SP4: variants seen among roughly 807,000 people sequenced by gnomAD.
SP4 encodes the protein transcription factor Sp4.
SP4 carries 19 observed loss-of-function variants against 72.8 expected under a neutral mutation model. That is an observed-to-expected ratio of 0.26 (90% confidence interval 0.18 to 0.38). SP4 has a LOEUF of 0.38. Among genes scored for constraint, SP4 ranks in the 10% least tolerant of loss-of-function variants. SP4 has a pLI of 1.00. For missense variants in SP4, 1,008 were observed against 926.3 expected (o/e 1.09, Z -1.14); for synonymous variants, 395 against 333.1 (o/e 1.19, Z -2.02).
At chr7:21,491,307 A>G (rs1417979177) in intron 5 of SP4, among the ~76,000 whole-genome samples, 3 of 152,196 alleles carry the variant, frequency 2.0e-5, no homozygotes, top group Non-Finnish European at 2.9e-5. Context: ...CTAAGTGGAG[A>G]TAATAGAGGA....
At chr7:21,443,243 G>A (rs1783316925) in intron 3 of SP4, among the ~76,000 whole-genome samples, 1 of 152,148 alleles carries the variant, frequency 6.6e-6, no homozygotes, top group African/African-American at 2.4e-5. Context: ...GGACACAGGT[G>A]GAGAACTTTG....
intron 3 of SP4, among the ~76,000 whole-genome samples, chr7:21,453,214 C>G (rs957093994): frequency 6.6e-6 from 1 of 152,218 alleles, no homozygotes; most frequent in Non-Finnish European, 1.5e-5. Context: ...CAGTTAACTC[C>G]TGTTCTGCTT....
In SP4 at chr7:21,428,762, C is replaced by A; in HGVS notation, c.93C>A (p.Asn31Lys). 1 of 1,551,524 alleles carries A rather than the reference C, an allele frequency of 6.4e-7. No individual in the cohort carries two copies. Among genetic ancestry groups the A allele is most frequent in the Non-Finnish European group, 8.7e-7 (1 of 1,147,182 alleles). Residue 31 changes from asparagine to lysine, a missense_variant, in exon 2 of 6, where the codon AAC becomes AAA. This residue lies in a region of SP4 where 893 missense variants were observed against 743.3 expected (regional missense o/e 1.20). Coordinates refer to ENST00000222584, the MANE Select transcript of SP4 (RefSeq NM_003112.5). The stretch of plus-strand genomic sequence containing the variant: ...GGAAAACCTCTGAGCCAGAGAATAA[C>A]AATAAAAAACCCAAAACCTCAGGCT... ...EGGKTSEPENNNKKPKTSGSQ... is the reference protein window; with the variant it reads ...EGGKTSEPENKNKKPKTSGSQ...
At chr7:21,428,313 TCCCC>T in intron 1 of SP4, 55 bp downstream of exon 1, 2 of 907,150 alleles carry the variant, frequency 2.2e-6, no homozygotes, top group Non-Finnish European at 3.5e-6. Flanking sequence ...TCTCCCTCCC[TCCCC>T]AGACCCTGCT....
At chr7:21,453,191 A>G (rs564882030) in intron 3 of SP4, among the ~76,000 whole-genome samples, 6 of 152,234 alleles carry the variant, frequency 3.9e-5, no homozygotes, top group Non-Finnish European at 8.8e-5. Context: ...GTCTTCTATT[A>G]GTTCAGTCCA....
chr7:21,439,752 G>A (rs553842931), intron 3 of SP4, among the ~76,000 whole-genome samples: 1 of 152,234 alleles, frequency 6.6e-6, no homozygotes, highest in South Asian at 2.1e-4. Flanking sequence ...TAAAAAATCA[G>A]CTGGATGTGG....
chr7:21,501,344 C>A (rs1186615496), intron 5 of SP4, among the ~76,000 whole-genome samples: 1 of 152,034 alleles, frequency 6.6e-6, no homozygotes, highest in Non-Finnish European at 1.5e-5. Flanking sequence ...CTCACAAAGT[C>A]CCTCCTCTTT....
At chr7:21,501,153 A>C (rs1004832668) in intron 5 of SP4, among the ~76,000 whole-genome samples, 4 of 152,100 alleles carry the variant, frequency 2.6e-5, no homozygotes, top group Non-Finnish European at 4.4e-5. Flanking sequence ...TTCCCTGCTT[A>C]AGTTTCGATT....
chr7:21,429,251 TCCCCCCCCC>T, intron 2 of SP4, 29 bp from the exon 3 acceptor site: 1 of 1,026,088 alleles, frequency 9.7e-7, no homozygotes. Context: ...CCACTTTTTT[TCCCCCCCCC>T]CTCTCCTTTA....
chr7:21,459,923 T>G (rs1488277036), intron 3 of SP4, among the ~76,000 whole-genome samples: 2 of 152,168 alleles, frequency 1.3e-5, no homozygotes, highest in African/African-American at 4.8e-5. Flanking sequence ...GACAGAATAT[T>G]CATTAAAATA....
chr7:21,505,838 C>T (rs1198738029), intron 5 of SP4, among the ~76,000 whole-genome samples: 1 of 152,122 alleles, frequency 6.6e-6, no homozygotes, highest in African/African-American at 2.4e-5. Flanking sequence ...CCTCTATTAC[C>T]AGTTGGAGAC....
intron 3 of SP4, among the ~76,000 whole-genome samples, chr7:21,472,694 T>G (rs546172657): frequency 2.6e-5 from 4 of 151,898 alleles, no homozygotes; most frequent in Admixed American, 6.6e-5. Flanking sequence ...TCTCAGCTAC[T>G]TGGGAGACCA....
intron 3 of SP4, among the ~76,000 whole-genome samples, chr7:21,455,738 C>T (rs902341294): frequency 2.6e-5 from 4 of 152,186 alleles, no homozygotes; most frequent in Non-Finnish European, 5.9e-5. Flanking sequence ...TAGCCTGGAA[C>T]CAACCTTCAT....
chr7:21,490,510 T>G (rs1784947563), intron 5 of SP4, among the ~76,000 whole-genome samples: 1 of 152,158 alleles, frequency 6.6e-6, no homozygotes, highest in Admixed American at 6.5e-5. Context: ...CCACTTCTAC[T>G]CTGAAGGTGG....
intron 3 of SP4, among the ~76,000 whole-genome samples, chr7:21,462,294 G>C (rs1784020212): frequency 6.6e-6 from 1 of 152,090 alleles, no homozygotes; most frequent in Non-Finnish European, 1.5e-5. Context: ...CGGGACCATA[G>C]TATTGACTCA....
At position 21,428,179 on chromosome 7, in the gene SP4, T is replaced by TCCCCCCCCCCCCCCCCCCCCCCCCCCC; in HGVS notation, c.-70_-69insCCCCCCCCCCCCCCCCCCCCCCCCCCC. On this transcript the variant is annotated 5_prime_UTR_variant, in exon 1 of 6. Transcript: ENST00000222584. ...GCGGGCGGGCGGGACCGGCCTCTCC[T>TCCCCCCCCCCCCCCCCCCCCCCCCCCC]CCCGCCTCGCCCCCACCCCCACCCA... 1.7e-6 allele frequency: 1 copy of TCCCCCCCCCCCCCCCCCCCCCCCCCCC among 600,796 alleles called. No homozygotes were observed. The highest frequency in any genetic ancestry group is 3.2e-6 in the Non-Finnish European group (1 of 315,458). 37.2% of individuals were successfully genotyped at this position (600,796 alleles called of 1,614,324 possible). A position where few individuals can be genotyped will look rare whatever the true frequency, so the allele number is the denominator to read the frequency against.
chr7:21,487,015 C>T (rs1016766566), intron 5 of SP4, among the ~76,000 whole-genome samples: 1 of 152,146 alleles, frequency 6.6e-6, no homozygotes, highest in Non-Finnish European at 1.5e-5. Flanking sequence ...TTTCAATTTT[C>T]CTTGTTCTTT....
At chr7:21,506,981 T>C (rs958290024) in intron 5 of SP4, among the ~76,000 whole-genome samples, 1 of 152,158 alleles carries the variant, frequency 6.6e-6, no homozygotes, top group Non-Finnish European at 1.5e-5. Flanking sequence ...ATTTGGAAAT[T>C]TTTGTTTGGC....
chr7:21,489,802 C>T (rs919127193), intron 5 of SP4, among the ~76,000 whole-genome samples: 3 of 152,028 alleles, frequency 2.0e-5, no homozygotes, highest in Non-Finnish European at 4.4e-5. Flanking sequence ...CTTGGATCCA[C>T]CCGCCTCGGC....
Sources: allele counts gnomAD v4.1 joint callset (sites outside exome capture counted in the v4.1 genomes callset), GRCh38; gene constraint gnomAD v4.1.1; regional missense constraint gnomAD v4.1.1; transcripts MANE v1.5; gene names NCBI Gene and HGNC (gene_info 2026-07-23, HGNC 2026-07-21).